Variants in ZHX3 observed in about 807,000 individuals in gnomAD.
ZHX3 encodes the protein zinc fingers and homeoboxes 3, also known as zinc fingers and homeoboxes protein 3.
In ZHX3, 20 loss-of-function variants were observed where a neutral mutation model predicts 64.5. That is an observed-to-expected ratio of 0.31 (90% CI 0.22 to 0.45). The LOEUF (loss-of-function observed/expected upper bound fraction) is 0.45, where lower values mean the gene tolerates loss of function less well. ZHX3 is among the 20% of genes least tolerant of loss of function. The probability of loss-of-function intolerance (pLI) is 1.00; values close to 1 mark genes in which losing one functional copy is unlikely to be tolerated. For synonymous variants in ZHX3, 423 were observed against 461.6 expected (o/e 0.92, Z 1.07); for missense variants, 1,041 against 1,195.8 (o/e 0.87, Z 1.91).
rs2040698213 is a variant in ZHX3, at chr20:41,232,714, C to T, written c.-150-27648G>A. On this transcript the variant is annotated intron_variant, in intron 2 of 3. Transcript: ENST00000683867. The surrounding 1 kb of genome is among the most constrained non-coding windows in gnomAD (Gnocchi z 5.0). ...ACGCCATTCTCCTGCCTCAGCCTCC[C>T]GCGGGGGACTACAGGCGCCCACCAC... 2.0e-5 allele frequency among the ~76,000 whole-genome samples: 3 copies of T among 151,988 alleles called. No individual in the cohort carries two copies. The highest frequency in any genetic ancestry group is 7.2e-5 in the African/African-American group (3 of 41,386).
chr20:41,253,477 T>C (rs1026640822), intron 2 of ZHX3, among the ~76,000 whole-genome samples: 6 of 152,310 alleles, frequency 3.9e-5, no homozygotes, highest in African/African-American at 1.4e-4. Flanking sequence ...TTCTTGTATT[T>C]TATGGACCAG....
At position 41,202,463 on chromosome 20, in the gene ZHX3, T is replaced by C. The variant is rs768520980; in HGVS notation, c.2454A>G (p.Ala818=). ...ACCATTTGAGTTGGCCGTTCTTCAGTGCGTACCTGCTATCTCCAAACCAGC... is the reference window on the plus strand; with the variant it reads ...ACCATTTGAGTTGGCCGTTCTTCAGCGCGTACCTGCTATCTCCAAACCAGC... The part of the protein sequence containing the change: ...VVRWFGDSRY[A]LKNGQLKWYE... The change falls in exon 3 of 4, where the codon GCA becomes GCG. Residue 818 remains alanine (A), a synonymous_variant. Transcript: ENST00000683867. This position sits in a 1 kb window ranked among gnomAD's most constrained non-coding sequence, Gnocchi z 7.0. 5.6e-6 allele frequency: 9 copies of C among 1,614,196 alleles called. No individual in the cohort carries two copies. Among genetic ancestry groups the C allele is most frequent in the Middle Eastern group, 1.6e-4 (1 of 6,062 alleles).
At chr20:41,315,856 GT>G (rs958723616) in intron 1 of ZHX3, among the ~76,000 whole-genome samples, 3 of 151,582 alleles carry the variant, frequency 2.0e-5, no homozygotes, top group East Asian at 1.9e-4. Context: ...GGATTATGGG[GT>G]TTTTTTTGTT....
intron 2 of ZHX3, among the ~76,000 whole-genome samples, chr20:41,265,900 T>C (rs2042821159): frequency 6.6e-6 from 1 of 152,158 alleles, no homozygotes; most frequent in African/African-American, 2.4e-5. Context: ...ATGTCTCTAG[T>C]CCACTGCAGT....
rs1237459025 is a variant in ZHX3 at position 41,184,954 on chromosome 20, C to T, written c.*237G>A. 6.5e-7 allele frequency: 1 copy of T among 1,545,928 alleles called. No individual in the cohort carries two copies. Among genetic ancestry groups the T allele is most frequent in the East Asian group, 2.4e-5 (1 of 40,938 alleles). On this transcript the variant is annotated 3_prime_UTR_variant, in exon 4 of 4. Coordinates refer to ENST00000683867, the MANE Select transcript of ZHX3 (RefSeq NM_001384317.1). ...TCCATTGGAAGGTAAAGGAAAGGTC[C>T]TACATTGTGGGAGGAAGAACTGATG...
intron 1 of ZHX3, among the ~76,000 whole-genome samples, chr20:41,275,454 C>A (rs1469156823): frequency 6.6e-6 from 1 of 152,040 alleles, no homozygotes; most frequent in Admixed American, 6.5e-5. Flanking sequence ...TAGGCCCAGG[C>A]AAGAAATGGG....
intron 2 of ZHX3, among the ~76,000 whole-genome samples, chr20:41,214,674 T>C (rs1009889649): frequency 6.6e-6 from 1 of 152,232 alleles, no homozygotes; most frequent in Non-Finnish European, 1.5e-5. Flanking sequence ...CTTGGGTTTA[T>C]TTGTTATGTA....
At chr20:41,317,420 CAG>C (rs986465493) in intron 1 of ZHX3, 87 bp downstream of exon 1, 1 of 151,872 alleles carries the variant, frequency 6.6e-6, no homozygotes, top group African/African-American at 2.4e-5. Flanking sequence ...CGCGCAGACA[CAG>C]GGTCTGACAG....
chr20:41,204,762 G>T lies in ZHX3; in HGVS notation c.155C>A (p.Ala52Glu). ...ATCAGTACTGCTGGGGTTCTGTGCT[G>T]CCTCACTGCTGGCAGCAGATGCTTC... is the stretch of plus-strand genomic sequence containing the variant. Reference protein sequence around the residue: ...PPEASAASSEAAQNPSSTDGS... With the variant: ...PPEASAASSEEAQNPSSTDGS... Residue 52 changes from alanine (A) to glutamate (E), a missense_variant, in exon 3 of 4, where the codon GCA becomes GAA. Coordinates refer to ENST00000683867, the MANE Select transcript of ZHX3 (RefSeq NM_001384317.1). This position sits in a 1 kb window ranked among gnomAD's most constrained non-coding sequence, Gnocchi z 6.6. The T allele has an allele frequency of 6.2e-7, 1 of 1,614,144 alleles. No individual in the cohort carries two copies. Among genetic ancestry groups the T allele is most frequent in the Non-Finnish European group, 8.5e-7 (1 of 1,179,984 alleles).
In ZHX3 at chr20:41,201,149, G is replaced by A; in HGVS notation, c.2860+908C>T. 1 of 520,446 alleles carries A rather than the reference G, an allele frequency of 1.9e-6. No individual in the cohort carries two copies. The highest frequency in any genetic ancestry group is 2.9e-6 in the Non-Finnish European group (1 of 342,812). 32.2% of individuals were successfully genotyped at this position (520,446 alleles called of 1,614,324 possible). ...GGCAGCTCATGCCAAAGTCACCACG[G>A]AACCATCACATTGCCCAACACCACA... On this transcript the variant is annotated intron_variant, in intron 3 of 3. Coordinates refer to ENST00000683867, the MANE Select transcript of ZHX3 (RefSeq NM_001384317.1). The surrounding 1 kb of genome is among the most constrained non-coding windows in gnomAD (Gnocchi z 5.0).
intron 3 of ZHX3, among the ~76,000 whole-genome samples, chr20:41,192,549 C>G (rs953187293): frequency 6.6e-6 from 1 of 152,246 alleles, no homozygotes; most frequent in Admixed American, 6.5e-5. Flanking sequence ...TCAGCCCCTG[C>G]TATGGTAGCT....
intron 3 of ZHX3, chr20:41,196,787 GAA>G (rs111736361): frequency 1.0e-3 from 128 of 123,454 alleles, no homozygotes; most frequent in East Asian, 4.0e-3. Context: ...CAGCCACCAA[GAA>G]AAAAAAAAAA....
chr20:41,202,736 G>C lies in ZHX3; in HGVS notation c.2181C>G (p.Ile727Met), dbSNP rs771148855. 5.0e-6 allele frequency: 8 copies of C among 1,614,142 alleles called. No homozygotes were observed. The highest frequency in any genetic ancestry group is 3.4e-6 in the Non-Finnish European group (4 of 1,180,030). Residue 727 changes from isoleucine to methionine, a missense_variant, in exon 3 of 4, where the codon ATC becomes ATG. Transcript: ENST00000683867. The surrounding 1 kb of genome is among the most constrained non-coding windows in gnomAD (Gnocchi z 7.0). Reference sequence around the variant, plus strand: ...CAGTGACCCTCAGGTTCTTCAGGTTGATTTTAATGGGGCTGACTTTGCGCT... The same window carrying C: ...CAGTGACCCTCAGGTTCTTCAGGTTCATTTTAATGGGGCTGACTTTGCGCT... ...LAERKVSPIKINLKNLRVTEA... is the reference protein window; with the variant it reads ...LAERKVSPIKMNLKNLRVTEA...
At chr20:41,308,927 C>T (rs745494151) in intron 1 of ZHX3, among the ~76,000 whole-genome samples, 5 of 152,050 alleles carry the variant, frequency 3.3e-5, no homozygotes, top group Non-Finnish European at 7.3e-5. Context: ...TGGTTTATGA[C>T]GGAAAGCTTT....
At chr20:41,267,411 T>G (rs965848070) in intron 2 of ZHX3, 1 of 152,254 alleles carries the variant, frequency 6.6e-6, no homozygotes, top group Non-Finnish European at 1.5e-5. Flanking sequence ...CCAAATCTAC[T>G]TAATCCTCCT....
At chr20:41,251,083 C>T (rs1241558331) in intron 2 of ZHX3, among the ~76,000 whole-genome samples, 2 of 151,922 alleles carry the variant, frequency 1.3e-5, no homozygotes, top group Admixed American at 1.3e-4. Flanking sequence ...GTTTTTCAAA[C>T]AGAAAGGAAA....
At chr20:41,306,413 A>G (rs901895565) in intron 1 of ZHX3, among the ~76,000 whole-genome samples, 3 of 152,228 alleles carry the variant, frequency 2.0e-5, no homozygotes, top group Non-Finnish European at 4.4e-5. Context: ...GCTTAAGGTC[A>G]TGTAATTGAT....
intron 3 of ZHX3, among the ~76,000 whole-genome samples, chr20:41,188,217 G>T (rs1173327197): frequency 6.6e-6 from 1 of 152,046 alleles, no homozygotes; most frequent in East Asian, 1.9e-4. Context: ...ATGACCTCCA[G>T]TTCTATTATT....
intron 2 of ZHX3, among the ~76,000 whole-genome samples, chr20:41,242,810 T>C (rs1039730549): frequency 2.0e-5 from 3 of 152,226 alleles, no homozygotes; most frequent in Non-Finnish European, 4.4e-5. Context: ...AGTACTTCCA[T>C]TGTTTAATAA....
Sources: allele counts gnomAD v4.1 joint callset (sites outside exome capture counted in the v4.1 genomes callset), GRCh38; gene constraint gnomAD v4.1.1; non-coding constraint Gnocchi (gnomAD v3.1); transcripts MANE v1.5; gene names NCBI Gene and HGNC (gene_info 2026-07-23, HGNC 2026-07-21).